Variants in GRIN2A observed in about 807,000 individuals in gnomAD.
GRIN2A encodes the protein glutamate ionotropic receptor NMDA type subunit 2A, also known as glutamate receptor ionotropic, NMDA 2A.
GRIN2A carries 22 observed loss-of-function variants against 113.4 expected under a neutral mutation model. The observed-to-expected ratio is 0.19, with a 90% CI of 0.14 to 0.28. GRIN2A has a LOEUF of 0.28. GRIN2A is among the 10% of genes least tolerant of loss of function. The probability of loss-of-function intolerance (pLI) is 1.00; values close to 1 mark genes in which losing one functional copy is unlikely to be tolerated. For synonymous variants in GRIN2A, 827 were observed against 738.4 expected (o/e 1.12, Z -1.94); for missense variants, 1,502 against 1,887.0 (o/e 0.80, Z 3.78).
intron 2 of GRIN2A, among the ~76,000 whole-genome samples, chr16:10,133,773 C>G (rs1334465891): frequency 6.6e-6 from 1 of 152,150 alleles, no homozygotes; most frequent in Non-Finnish European, 1.5e-5. Flanking sequence ...AACGGATTAT[C>G]TGCTCCCCAG....
chr16:10,048,755 G>T (rs986087651), intron 2 of GRIN2A, among the ~76,000 whole-genome samples: 1 of 71,952 alleles, frequency 1.4e-5, no homozygotes, highest in Non-Finnish European at 2.9e-5. Context: ...CCTCCCTTGG[G>T]CTGGTGCCAC....
intron 10 of GRIN2A, among the ~76,000 whole-genome samples, chr16:9,815,007 G>A (rs1198883396): frequency 1.4e-5 from 2 of 142,380 alleles, no homozygotes; most frequent in African/African-American, 5.5e-5. Flanking sequence ...GGCAACAAGA[G>A]CGAAACTCCG....
chr16:9,958,492 G>A (rs13331097), intron 2 of GRIN2A, among the ~76,000 whole-genome samples: 71,157 of 151,822 alleles, frequency 0.47, 17,741 homozygotes, highest in African/African-American at 0.63. Flanking sequence ...CTGGGGCTCT[G>A]TTCCCACGGA....
At chr16:9,839,941 ATGG>A (rs1181354428) in intron 7 of GRIN2A, among the ~76,000 whole-genome samples, 1 of 152,142 alleles carries the variant, frequency 6.6e-6, no homozygotes, top group Admixed American at 6.6e-5. Flanking sequence ...TCTGGCCAAC[ATGG>A]CGAAACCCCA....
chr16:9,923,570 T>C (rs948634428), intron 3 of GRIN2A, among the ~76,000 whole-genome samples: 3 of 152,266 alleles, frequency 2.0e-5, no homozygotes, highest in African/African-American at 7.2e-5. Context: ...AGCCAGAGCA[T>C]TGGGGTTTTT....
intron 2 of GRIN2A, among the ~76,000 whole-genome samples, chr16:9,947,244 GT>G (rs1253650317): frequency 6.6e-6 from 1 of 151,882 alleles, no homozygotes; most frequent in South Asian, 2.1e-4. Context: ...TTTCCTCATT[GT>G]TTTTTGTTTT....
At chr16:9,796,883 T>C (rs1903024739) in intron 11 of GRIN2A, among the ~76,000 whole-genome samples, 1 of 152,206 alleles carries the variant, frequency 6.6e-6, no homozygotes, top group Non-Finnish European at 1.5e-5. Context: ...CACAAATCAT[T>C]ATTACACAGC....
At chr16:9,878,952 G>C (rs2043425469) in intron 4 of GRIN2A, among the ~76,000 whole-genome samples, 1 of 152,084 alleles carries the variant, frequency 6.6e-6, no homozygotes, top group Non-Finnish European at 1.5e-5. Context: ...TAATTTGCTA[G>C]AGATCTACTA....
chr16:10,025,510 C>A (rs2046803893), intron 2 of GRIN2A, among the ~76,000 whole-genome samples: 1 of 151,950 alleles, frequency 6.6e-6, no homozygotes, highest in South Asian at 2.1e-4. Context: ...CTGTGTTCCC[C>A]AGGCTGGTCT....
intron 3 of GRIN2A, among the ~76,000 whole-genome samples, chr16:9,892,195 C>T (rs987320438): frequency 6.6e-6 from 1 of 152,138 alleles, no homozygotes; most frequent in African/African-American, 2.4e-5. Flanking sequence ...CGTGCCATTG[C>T]ACTCCAGCCT....
chr16:9,809,088 C>T (rs1220449759), intron 10 of GRIN2A, among the ~76,000 whole-genome samples: 1 of 149,992 alleles, frequency 6.7e-6, no homozygotes, highest in Non-Finnish European at 1.5e-5. Context: ...TAGCATTCCA[C>T]AGAATAAAAT....
chr16:9,768,896 C>T lies in GRIN2A; in HGVS notation c.2550G>A (p.Thr850=), dbSNP rs750224605. Residue 850 remains threonine, a synonymous_variant, in exon 12 of 13, where the codon ACG becomes ACA. Coordinates refer to ENST00000330684, the MANE Select transcript of GRIN2A (RefSeq NM_001134407.3). The part of the protein sequence containing the change: ...LFYWKLRFCF[T]GVCSDRPGLL... Reference sequence around the variant, plus strand: ...ACCCAGGCCGGTCGGAGCACACGCCCGTGAAACAGAAGCGCAGCTTCCAGT... The same window carrying T: ...ACCCAGGCCGGTCGGAGCACACGCCTGTGAAACAGAAGCGCAGCTTCCAGT... The T allele has an allele frequency of 9.9e-6, 16 of 1,614,046 alleles. No individual in the cohort carries two copies. Among genetic ancestry groups the T allele is most frequent in the Admixed American group, 3.3e-5 (2 of 60,010 alleles).
At chr16:9,800,511 G>A (rs929355446) in intron 10 of GRIN2A, among the ~76,000 whole-genome samples, 1 of 152,116 alleles carries the variant, frequency 6.6e-6, no homozygotes, top group African/African-American at 2.4e-5. Context: ...GTGAAACACT[G>A]CATCTTTTCA....
chr16:9,988,670 C>T (rs957602113), intron 2 of GRIN2A, among the ~76,000 whole-genome samples: 1 of 152,132 alleles, frequency 6.6e-6, no homozygotes, highest in African/African-American at 2.4e-5. Flanking sequence ...CACAACAACC[C>T]TCTCAAGAAG....
intron 2 of GRIN2A, among the ~76,000 whole-genome samples, chr16:10,114,311 C>T (rs552617450): frequency 1.3e-5 from 2 of 152,314 alleles, no homozygotes; most frequent in African/African-American, 4.8e-5. Context: ...CACAGGGGAG[C>T]CTGCTTGGAA....
At chr16:10,154,195 T>C (rs546750977) in intron 2 of GRIN2A, among the ~76,000 whole-genome samples, 1 of 152,154 alleles carries the variant, frequency 6.6e-6, no homozygotes, top group Non-Finnish European at 1.5e-5. Context: ...CAACCAGCCA[T>C]GCTCCATCTG....
At chr16:9,997,232 T>A (rs1164810191) in intron 2 of GRIN2A, among the ~76,000 whole-genome samples, 2 of 152,146 alleles carry the variant, frequency 1.3e-5, no homozygotes, top group East Asian at 3.8e-4. Flanking sequence ...GATGCTATAA[T>A]TGAAGTCAGC....
chr16:9,901,904 G>C (rs748422790), intron 3 of GRIN2A, among the ~76,000 whole-genome samples: 13 of 152,206 alleles, frequency 8.5e-5, no homozygotes, highest in Non-Finnish European at 1.8e-4. Context: ...ATGTGAGTAA[G>C]AGCGATCACT....
intron 2 of GRIN2A, among the ~76,000 whole-genome samples, chr16:10,125,618 C>T (rs1183189025): frequency 6.8e-6 from 1 of 146,598 alleles, no homozygotes; most frequent in Non-Finnish European, 1.5e-5. Context: ...CCTCATACTG[C>T]TCATGGTGGG....
Sources: gnomAD v4.1 joint callset for allele counts (sites outside exome capture counted in the v4.1 genomes callset) on GRCh38, gnomAD v4.1.1 for gene constraint, MANE v1.5 for transcripts, NCBI Gene and HGNC (gene_info 2026-07-23, HGNC 2026-07-21) for gene names.